Variants in C8orf34 observed in about 807,000 individuals in gnomAD.
C8orf34 encodes uncharacterized protein C8orf34.
C8orf34 carries 65 observed loss-of-function variants against 68.3 expected under a neutral mutation model. The observed-to-expected ratio is 0.95, with a 90% CI of 0.78 to 1.17. The LOEUF (loss-of-function observed/expected upper bound fraction) is 1.17. Among genes scored for constraint, C8orf34 ranks in the 50% most tolerant of loss-of-function variants. The pLI, the probability that C8orf34 is intolerant of heterozygous loss-of-function variation, is 0.00. For missense variants in C8orf34, 664 were observed against 655.4 expected (o/e 1.01, Z -0.14); for synonymous variants, 244 against 241.2 (o/e 1.01, Z -0.11).
chr8:68,531,164 T>G (rs1420898256), intron 6 of C8orf34, among the ~76,000 whole-genome samples: 1 of 152,184 alleles, frequency 6.6e-6, no homozygotes, highest in Non-Finnish European at 1.5e-5. Context: ...AGATATTTTC[T>G]TATGTACCCA....
intron 7 of C8orf34, among the ~76,000 whole-genome samples, chr8:68,607,959 G>T (rs886479071): frequency 1.3e-5 from 2 of 152,148 alleles, no homozygotes; most frequent in African/African-American, 4.8e-5. Context: ...TGTGTGGTCA[G>T]AGAGGCCAGT....
intron 7 of C8orf34, among the ~76,000 whole-genome samples, chr8:68,611,432 C>T (rs1818020758): frequency 1.3e-5 from 2 of 152,124 alleles, no homozygotes; most frequent in Non-Finnish European, 2.9e-5. Context: ...GAGGTCCTCT[C>T]TAGGATTGTT....
intron 9 of C8orf34, 43 bp downstream of exon 9, chr8:68,709,122 A>G: frequency 7.0e-7 from 1 of 1,438,504 alleles, no homozygotes; most frequent in Admixed American, 1.8e-5. Context: ...TTCTAGTGGC[A>G]CTTAAAGATT....
At chr8:68,761,812 C>G (rs1471455356) in intron 10 of C8orf34, among the ~76,000 whole-genome samples, 1 of 152,154 alleles carries the variant, frequency 6.6e-6, no homozygotes, top group East Asian at 1.9e-4. Context: ...TTGTAGTCAG[C>G]TAAAATTCTC....
chr8:68,341,313 T>C (rs986735902), intron 1 of C8orf34, among the ~76,000 whole-genome samples: 1 of 152,204 alleles, frequency 6.6e-6, no homozygotes, highest in African/African-American at 2.4e-5. Context: ...GATAGCTTTT[T>C]CAATTATCAG....
rs556264747 is a variant in C8orf34 at position 68,658,131 on chromosome 8, A to G, written c.1241+17620A>G. On this transcript the variant is annotated intron_variant, in intron 8 of 13. Coordinates refer to ENST00000518698, the MANE Select transcript of C8orf34 (RefSeq NM_052958.4). ...TCAAATCACTTTTCTTGGGACCTCA[A>G]TGAGTTAAGAGGTTTTATCATTTTT... Among the ~76,000 whole-genome samples, 42 of 152,306 alleles carry G rather than the reference A, an allele frequency of 2.8e-4. 1 individual carries two copies. Among genetic ancestry groups the G allele is most frequent in the African/African-American group, 9.9e-4 (41 of 41,572 alleles).
intron 1 of C8orf34, among the ~76,000 whole-genome samples, chr8:68,355,705 A>C (rs1806716979): frequency 6.6e-6 from 1 of 152,178 alleles, no homozygotes; most frequent in Admixed American, 6.5e-5. Flanking sequence ...AGAGAGCAGT[A>C]CTGGGCAGGG....
intron 1 of C8orf34, among the ~76,000 whole-genome samples, chr8:68,348,683 C>T (rs1170109996): frequency 6.6e-6 from 1 of 151,930 alleles, no homozygotes; most frequent in South Asian, 2.1e-4. Flanking sequence ...TTTCTCCTCC[C>T]TGGTTAGCTG....
intron 7 of C8orf34, among the ~76,000 whole-genome samples, chr8:68,601,755 C>G (rs962606982): frequency 2.0e-5 from 3 of 151,402 alleles, no homozygotes; most frequent in Admixed American, 6.6e-5. Context: ...TGTCTTTTCT[C>G]ATTCAAGTTG....
chr8:68,738,960 A>T (rs1822201363), intron 10 of C8orf34, among the ~76,000 whole-genome samples: 1 of 152,068 alleles, frequency 6.6e-6, no homozygotes, highest in Non-Finnish European at 1.5e-5. Flanking sequence ...TCATAGCAAA[A>T]CCTTGCAGAG....
At chr8:68,371,459 T>C (rs1461699049) in intron 1 of C8orf34, among the ~76,000 whole-genome samples, 3 of 152,132 alleles carry the variant, frequency 2.0e-5, no homozygotes. Context: ...AAACAAAAGA[T>C]TATTTTATTT....
At chr8:68,584,991 C>T (rs149041690) in intron 7 of C8orf34, among the ~76,000 whole-genome samples, 22 of 152,226 alleles carry the variant, frequency 1.4e-4, no homozygotes, top group Non-Finnish European at 8.8e-5. Context: ...TTCCTGGACT[C>T]TAAGGCAGGC....
chr8:68,616,636 T>A (rs1247567380), intron 7 of C8orf34, among the ~76,000 whole-genome samples: 2 of 152,170 alleles, frequency 1.3e-5, no homozygotes, highest in Non-Finnish European at 2.9e-5. Context: ...CTAGTTTGAT[T>A]GCACTGTGGT....
At chr8:68,443,540 A>G (rs1328757172) in intron 2 of C8orf34, among the ~76,000 whole-genome samples, 1 of 149,982 alleles carries the variant, frequency 6.7e-6, no homozygotes, top group Non-Finnish European at 1.5e-5. Flanking sequence ...GACTACAGGC[A>G]CACGCCAGCC....
chr8:68,650,167 C>G lies in C8orf34; in HGVS notation c.1241+9656C>G, dbSNP rs116830871. On this transcript the variant is annotated intron_variant, in intron 8 of 13. Coordinates refer to ENST00000518698, the MANE Select transcript of C8orf34 (RefSeq NM_052958.4). ...GGTTTTAACTAAATAAATAGAAGTA[C>G]TTTTGAAGCAGCATCGTTTGTCTGA... Among the ~76,000 whole-genome samples the G allele has an allele frequency of 5.9e-3, 897 of 152,052 alleles. 15 individuals carry two copies. The highest frequency in any genetic ancestry group is 0.021 in the African/African-American group (860 of 41,468).
chr8:68,433,709 C>T (rs1247999804), intron 1 of C8orf34, among the ~76,000 whole-genome samples: 8 of 152,090 alleles, frequency 5.3e-5, no homozygotes, highest in South Asian at 2.1e-4. Context: ...AGTTTCTGTG[C>T]GCCCAAGTGC....
chr8:68,488,202 T>G, intron 5 of C8orf34, 151 bp downstream of exon 5: 2 of 564,358 alleles, frequency 3.5e-6, no homozygotes, highest in African/African-American at 3.9e-5. Context: ...AAATGCATAT[T>G]GTTTTATGAA....
intron 4 of C8orf34, among the ~76,000 whole-genome samples, chr8:68,478,033 A>T (rs1812697547): frequency 6.6e-6 from 1 of 152,098 alleles, no homozygotes; most frequent in Non-Finnish European, 1.5e-5. Context: ...TGCCCTGGAG[A>T]CATTTTCCCC....
At chr8:68,616,808 G>A (rs1289972085) in intron 7 of C8orf34, among the ~76,000 whole-genome samples, 7 of 152,072 alleles carry the variant, frequency 4.6e-5, no homozygotes, top group African/African-American at 9.7e-5. Flanking sequence ...TATTAGGTCC[G>A]CTTGGTGCAG....
Sources: gnomAD v4.1 joint callset for allele counts (sites outside exome capture counted in the v4.1 genomes callset) on GRCh38, gnomAD v4.1.1 for gene constraint, MANE v1.5 for transcripts, NCBI Gene and HGNC (gene_info 2026-07-23, HGNC 2026-07-21) for gene names.